NCK2: variants seen among roughly 807,000 people sequenced by gnomAD.
NCK2 encodes the protein NCK adaptor protein 2.
In NCK2, 16 loss-of-function variants were observed where a neutral mutation model predicts 33.9. The observed-to-expected ratio is 0.47, with a 90% CI of 0.32 to 0.72. The LOEUF is 0.72. Among genes scored for constraint, NCK2 ranks in the 30% least tolerant of loss-of-function variants. The pLI is 0.03. For missense variants in NCK2, 418 were observed against 537.3 expected (o/e 0.78, Z 2.19); for synonymous variants, 273 against 239.9 (o/e 1.14, Z -1.27).
At chr2:105,813,611 C>T (rs776620191) in intron 1 of NCK2, among the ~76,000 whole-genome samples, 6 of 152,236 alleles carry the variant, frequency 3.9e-5, no homozygotes, top group Non-Finnish European at 5.9e-5. Context: ...TCGGCCACGA[C>T]TGCTTGCAGG....
chr2:105,833,846 C>T (rs1341726534), intron 2 of NCK2, among the ~76,000 whole-genome samples: 1 of 152,102 alleles, frequency 6.6e-6, no homozygotes, highest in African/African-American at 2.4e-5. Flanking sequence ...TTTTGGTATA[C>T]TGTGTTTCCA....
intron 1 of NCK2, among the ~76,000 whole-genome samples, chr2:105,773,639 C>T (rs947481455): frequency 3.9e-5 from 6 of 152,156 alleles, no homozygotes; most frequent in African/African-American, 1.4e-4. Context: ...TATGCTAGAG[C>T]ATCCTGGTTT....
At chr2:105,796,526 C>T (rs1691087434) in intron 1 of NCK2, among the ~76,000 whole-genome samples, 1 of 152,002 alleles carries the variant, frequency 6.6e-6, no homozygotes, top group South Asian at 2.1e-4. Context: ...CAGAGAGGGC[C>T]TGGGGACATG....
chr2:105,854,953 AT>A, intron 2 of NCK2, 94 bp from the exon 3 acceptor site: 1 of 860,712 alleles, frequency 1.2e-6, no homozygotes, highest in East Asian at 2.6e-5. Context: ...CAGAGTTGTA[AT>A]AAAAGCTGTC....
At chr2:105,750,751 T>C (rs1253724110) in intron 1 of NCK2, among the ~76,000 whole-genome samples, 1 of 152,226 alleles carries the variant, frequency 6.6e-6, no homozygotes, top group Non-Finnish European at 1.5e-5. Flanking sequence ...TAGACACTTA[T>C]TTGGGGGTTG....
At chr2:105,816,781 C>T (rs144076108) in intron 2 of NCK2, among the ~76,000 whole-genome samples, 168 bp downstream of exon 2, 252 of 152,196 alleles carry the variant, frequency 1.7e-3, no homozygotes, top group Admixed American at 4.8e-3. Flanking sequence ...TCTGTTCCTG[C>T]TTTAGTGTGT....
intron 1 of NCK2, among the ~76,000 whole-genome samples, chr2:105,803,277 G>C (rs1674908454): frequency 6.6e-6 from 1 of 152,152 alleles, no homozygotes; most frequent in South Asian, 2.1e-4. Context: ...AAGTTACCTA[G>C]AAAAGTTTAG....
At chr2:105,772,154 T>C (rs1474376255) in intron 1 of NCK2, among the ~76,000 whole-genome samples, 1 of 150,964 alleles carries the variant, frequency 6.6e-6, no homozygotes, top group Non-Finnish European at 1.5e-5. Context: ...GTTAGCAGTT[T>C]CCACCGGTGT....
At chr2:105,849,238 T>TA (rs1379823093) in intron 2 of NCK2, among the ~76,000 whole-genome samples, 1 of 151,922 alleles carries the variant, frequency 6.6e-6, no homozygotes, top group East Asian at 1.9e-4. Flanking sequence ...CTACAAAAAG[T>TA]AAAAAACTAG....
intron 1 of NCK2, among the ~76,000 whole-genome samples, chr2:105,802,236 T>A (rs1674868243): frequency 6.6e-6 from 1 of 152,190 alleles, no homozygotes; most frequent in South Asian, 2.1e-4. Flanking sequence ...ACACACCCTC[T>A]ACCTGTACTC....
chr2:105,818,464 T>C (rs1013513364), intron 2 of NCK2, among the ~76,000 whole-genome samples: 2 of 152,012 alleles, frequency 1.3e-5, no homozygotes, highest in Non-Finnish European at 2.9e-5. Flanking sequence ...TTATTCCTTA[T>C]ACTGTAAGAT....
intron 1 of NCK2, among the ~76,000 whole-genome samples, chr2:105,790,753 C>T (rs900436118): frequency 6.6e-6 from 1 of 152,200 alleles, no homozygotes; most frequent in African/African-American, 2.4e-5. Flanking sequence ...GTACCTGTTT[C>T]TTTAAGGCTG....
At chr2:105,824,723 C>T (rs1424758168) in intron 2 of NCK2, among the ~76,000 whole-genome samples, 1 of 152,090 alleles carries the variant, frequency 6.6e-6, no homozygotes, top group Non-Finnish European at 1.5e-5. Flanking sequence ...AACTTCCGGC[C>T]TTGGTTCCTT....
chr2:105,836,625 C>G (rs949591097), intron 2 of NCK2, among the ~76,000 whole-genome samples: 16 of 151,900 alleles, frequency 1.1e-4, no homozygotes, highest in African/African-American at 3.6e-4. Flanking sequence ...CTAGGGGAAG[C>G]CTTCCTTCTG....
intron 2 of NCK2, among the ~76,000 whole-genome samples, chr2:105,828,038 ACT>A (rs1219700592): frequency 2.0e-5 from 3 of 152,132 alleles, no homozygotes; most frequent in African/African-American, 7.2e-5. Context: ...ACAAGGGACC[ACT>A]CTGCACACCC....
chr2:105,750,652 G>A (rs894178310), intron 1 of NCK2, among the ~76,000 whole-genome samples: 4 of 152,216 alleles, frequency 2.6e-5, no homozygotes, highest in Non-Finnish European at 4.4e-5. Context: ...CCTTCCAAAG[G>A]CTGGAAAGGT....
chr2:105,894,229 AC>A lies in NCK2; in HGVS notation c.*1056del. The A allele has an allele frequency of 6.6e-6, 1 of 152,542 alleles. No homozygotes were observed. Among genetic ancestry groups the A allele is most frequent in the Admixed American group, 6.5e-5 (1 of 15,276 alleles). 9.4% of individuals were successfully genotyped at this position (152,542 alleles called of 1,614,324 possible). ...GTCTTGAGATCCCCTAAACTTGCATACCCAGTTTTTTGGATATTGTAATAAA... is the reference window on the plus strand; with the variant it reads ...GTCTTGAGATCCCCTAAACTTGCATACCAGTTTTTTGGATATTGTAATAAA... On this transcript the variant is annotated 3_prime_UTR_variant, in exon 5 of 5. Transcript: ENST00000233154.
chr2:105,796,330 A>G (rs763627518), intron 1 of NCK2, among the ~76,000 whole-genome samples: 6 of 152,212 alleles, frequency 3.9e-5, no homozygotes, highest in Non-Finnish European at 5.9e-5. Context: ...GCTGGAGGTT[A>G]GTGTCAGTTT....
At chr2:105,869,051 C>T (rs1049510922) in intron 3 of NCK2, among the ~76,000 whole-genome samples, 5 of 152,180 alleles carry the variant, frequency 3.3e-5, no homozygotes, top group Non-Finnish European at 7.3e-5. Flanking sequence ...AAGCAGCATA[C>T]GATCCAGCCC....
Sources: allele counts gnomAD v4.1 joint callset (sites outside exome capture counted in the v4.1 genomes callset), GRCh38; gene constraint gnomAD v4.1.1; transcripts MANE v1.5; gene names NCBI Gene and HGNC (gene_info 2026-07-23, HGNC 2026-07-21).